CFAP92: variants seen among roughly 807,000 people sequenced by gnomAD.
CFAP92 encodes uncharacterized protein CFAP92.
A neutral mutation model predicts 106.3 loss-of-function variants in CFAP92; 86 were observed. That is an observed-to-expected ratio of 0.81 (90% CI 0.68 to 0.97). The LOEUF is 0.97. CFAP92 is among the 50% of genes least tolerant of loss of function. The pLI is 0.00. For synonymous variants in CFAP92, 477 were observed against 506.4 expected (o/e 0.94, Z 0.78); for missense variants, 1,204 against 1,283.8 (o/e 0.94, Z 0.95).
chr3:128,965,740 C>G (rs777858440), intron 8 of CFAP92, 45 bp from the exon 9 acceptor site: 14 of 398,064 alleles, frequency 3.5e-5, no homozygotes, highest in African/African-American at 8.3e-5. Context: ...CCCGACACCC[C>G]CAAGACACGC....
At chr3:128,920,901 C>T (rs185879051) in intron 12 of CFAP92, among the ~76,000 whole-genome samples, 20 of 152,338 alleles carry the variant, frequency 1.3e-4, no homozygotes, top group African/African-American at 1.2e-4. Context: ...TAGAAGAATA[C>T]GTTTCCCATT....
intron 4 of CFAP92, among the ~76,000 whole-genome samples, chr3:128,987,165 GAA>G (rs374745110): frequency 6.7e-6 from 1 of 150,218 alleles, no homozygotes; most frequent in Admixed American, 6.6e-5. Flanking sequence ...CATCTCGAAA[GAA>G]AAAAAAAGAC....
chr3:128,912,158 AC>A (rs755795131), intron 15 of CFAP92, among the ~76,000 whole-genome samples: 2 of 151,214 alleles, frequency 1.3e-5, no homozygotes, highest in Admixed American at 6.6e-5. Flanking sequence ...TAGCCCAGAC[AC>A]CCCCCCAGTG....
chr3:129,012,384 G>GA, the CFAP92 span, among the ~76,000 whole-genome samples: 1 of 152,026 alleles, frequency 6.6e-6, no homozygotes, highest in Non-Finnish European at 1.5e-5. Context: ...ATGAGCTTTC[G>GA]ACCCCTGTGC....
chr3:128,940,119 A>C (rs7642004), intron 10 of CFAP92, among the ~76,000 whole-genome samples: 88,973 of 152,120 alleles, frequency 0.58, 28,905 homozygotes, highest in African/African-American at 0.88. Context: ...CATAGTGCAG[A>C]ATGTCATGGT....
chr3:128,943,920 G>T (rs200201832), intron 10 of CFAP92, among the ~76,000 whole-genome samples: 32 of 110,138 alleles, frequency 2.9e-4, no homozygotes, highest in African/African-American at 9.2e-4. Flanking sequence ...TATTTCCCCC[G>T]TTTTTTTTTT....
At chr3:128,990,523 C>T (rs1027169187) in intron 2 of CFAP92, among the ~76,000 whole-genome samples, 1 of 152,134 alleles carries the variant, frequency 6.6e-6, no homozygotes, top group Non-Finnish European at 1.5e-5. Context: ...AACAAGTATC[C>T]TTGATCATAT....
chr3:128,985,642 T>C lies in CFAP92; in HGVS notation c.667+1974A>G, dbSNP rs543376442. 7.2e-5 allele frequency among the ~76,000 whole-genome samples: 11 copies of C among 152,284 alleles called. No homozygotes were observed. In the South Asian group the frequency reaches 2.1e-3, roughly 29 times the overall value. Reference sequence around the variant, plus strand: ...CAGTGAAAGCCCACTGCAGGGCAGATACTAACCAGAAAGTCTGGCTCAGCA... The same window carrying C: ...CAGTGAAAGCCCACTGCAGGGCAGACACTAACCAGAAAGTCTGGCTCAGCA... On this transcript the variant is annotated intron_variant, in intron 4 of 15. Coordinates refer to ENST00000645291, the MANE Select transcript of CFAP92 (RefSeq NM_001394090.1).
intron 2 of CFAP92, chr3:128,991,787 C>A (rs189009885): frequency 3.0e-6 from 3 of 993,066 alleles, no homozygotes; most frequent in Non-Finnish European, 3.6e-6. Flanking sequence ...AAGAAACTTA[C>A]ACCATCGACA....
At chr3:128,927,896 T>C (rs1373515968) in intron 12 of CFAP92, among the ~76,000 whole-genome samples, 1 of 152,168 alleles carries the variant, frequency 6.6e-6, no homozygotes, top group East Asian at 1.9e-4. Flanking sequence ...CATTCCATGT[T>C]CATAAATTGG....
the CFAP92 span, among the ~76,000 whole-genome samples, chr3:129,023,185 C>T: frequency 6.6e-6 from 1 of 152,224 alleles, no homozygotes; most frequent in South Asian, 2.1e-4. Context: ...GTTTGGGGAG[C>T]TCAGCCTGCT....
At chr3:128,990,714 G>C (rs535779283) in intron 2 of CFAP92, among the ~76,000 whole-genome samples, 78 of 151,860 alleles carry the variant, frequency 5.1e-4, no homozygotes, top group African/African-American at 1.8e-3. Flanking sequence ...TGACCAATAT[G>C]GTGAAACCCC....
chr3:129,009,022 G>A, the CFAP92 span, among the ~76,000 whole-genome samples: 1 of 123,298 alleles, frequency 8.1e-6, no homozygotes, highest in African/African-American at 3.0e-5. Flanking sequence ...GGGGGGCGGG[G>A]CGGGAATCTG....
chr3:128,916,329 G>C, intron 12 of CFAP92, 58 bp from the exon 13 acceptor site: 2 of 1,126,266 alleles, frequency 1.8e-6, no homozygotes, highest in Non-Finnish European at 2.2e-6. Flanking sequence ...CCCCATGCCA[G>C]CTCATATGCA....
At chr3:128,947,460 A>G (rs1265793938) in intron 9 of CFAP92, among the ~76,000 whole-genome samples, 2 of 152,232 alleles carry the variant, frequency 1.3e-5, no homozygotes, top group African/African-American at 4.8e-5. Context: ...GTTGAAAACT[A>G]AAGTTGGAGG....
At chr3:128,998,253 AT>A (rs1944554978), upstream of CFAP92, among the ~76,000 whole-genome samples, 1 of 152,114 alleles carries the variant, frequency 6.6e-6, no homozygotes, top group Non-Finnish European at 1.5e-5. Flanking sequence ...TGTTCGTCAT[AT>A]TTTCTTAATA....
At chr3:128,927,448 C>T (rs1017601710) in intron 12 of CFAP92, among the ~76,000 whole-genome samples, 5 of 151,914 alleles carry the variant, frequency 3.3e-5, no homozygotes, top group Non-Finnish European at 5.9e-5. Context: ...GGGCCGGGCG[C>T]GGTGGCTCAC....
chr3:128,927,018 C>T (rs367634360), intron 12 of CFAP92, among the ~76,000 whole-genome samples: 11 of 151,988 alleles, frequency 7.2e-5, no homozygotes, highest in African/African-American at 9.6e-5. Context: ...GGTTTGAACC[C>T]GGGAGGTGGA....
chr3:128,910,619 C>A, intron 15 of CFAP92: 1 of 1,071,750 alleles, frequency 9.3e-7, no homozygotes, highest in East Asian at 2.4e-5. Context: ...CGGGGTGACT[C>A]CTGTGCCAGG....
Sources: gnomAD v4.1 joint callset for allele counts (sites outside exome capture counted in the v4.1 genomes callset) on GRCh38, gnomAD v4.1.1 for gene constraint, MANE v1.5 for transcripts, NCBI Gene and HGNC (gene_info 2026-07-23, HGNC 2026-07-21) for gene names.